SNAP25: variants seen among roughly 807,000 people sequenced by gnomAD.
SNAP25 encodes synaptosomal-associated protein 25.
Under a neutral mutation model 28.7 loss-of-function variants are expected in SNAP25, and 3 were observed. The ratio of observed to expected loss-of-function variants is 0.10; its 90% CI spans 0.05 to 0.27. SNAP25 has a LOEUF of 0.27. Among genes scored for constraint, SNAP25 ranks in the 10% least tolerant of loss-of-function variants. The pLI is 1.00. For missense variants in SNAP25, 117 were observed against 278.7 expected, an observed-to-expected ratio of 0.42 and a Z score of 4.13; for synonymous variants, 61 against 88.1, an observed-to-expected ratio of 0.69 and a Z score of 1.72.
At chr20:10,234,381 A>T (rs1600652567) in intron 1 of SNAP25, among the ~76,000 whole-genome samples, 1 of 152,294 alleles carries the variant, frequency 6.6e-6, no homozygotes, top group African/African-American at 2.4e-5. Context: ...TTAATCCATA[A>T]ATGGAACACT....
intron 1 of SNAP25, among the ~76,000 whole-genome samples, chr20:10,226,509 A>G (rs529255129): frequency 1.2e-4 from 19 of 152,250 alleles, no homozygotes; most frequent in African/African-American, 4.6e-4. Context: ...CAGAGCTGTA[A>G]ATAAAATCAT....
intron 1 of SNAP25, among the ~76,000 whole-genome samples, chr20:10,229,503 A>G (rs1235063743): frequency 6.6e-6 from 1 of 152,194 alleles, no homozygotes; most frequent in African/African-American, 2.4e-5. Flanking sequence ...CCTAAGCTGC[A>G]TTCACAGAAT....
chr20:10,237,421 C>T (rs1347569182), intron 1 of SNAP25, among the ~76,000 whole-genome samples: 1 of 152,150 alleles, frequency 6.6e-6, no homozygotes, highest in Non-Finnish European at 1.5e-5. Flanking sequence ...ACAGTAGAGG[C>T]ACTAGCAGAA....
rs369440762 is a variant in SNAP25 at position 10,254,526 on chromosome 20, C to T, written c.-63-20903C>T. On this transcript the variant is annotated intron_variant, in intron 1 of 7. Transcript: ENST00000254976. ...CAAACCCAGGAGGAGCTCCTTTTCCCGCGCACTCCCACCTCCAGTAGAGAA... is the reference window on the plus strand; with the variant it reads ...CAAACCCAGGAGGAGCTCCTTTTCCTGCGCACTCCCACCTCCAGTAGAGAA... Among the ~76,000 whole-genome samples, 97 of 152,278 alleles carry T rather than the reference C, an allele frequency of 6.4e-4. 1 individual carries two copies. In the South Asian group the frequency reaches 0.019, roughly 31 times the overall value.
chr20:10,284,053 C>G (rs73896514), intron 3 of SNAP25, among the ~76,000 whole-genome samples: 2 of 152,166 alleles, frequency 1.3e-5, no homozygotes, highest in African/African-American at 4.8e-5. Context: ...TTTTCTCACA[C>G]TAGATTATTA....
intron 3 of SNAP25, among the ~76,000 whole-genome samples, chr20:10,278,270 A>G (rs1238976311): frequency 2.0e-5 from 3 of 152,238 alleles, no homozygotes; most frequent in Admixed American, 1.3e-4. Context: ...CAAGTCCAAT[A>G]ATATAAATAC....
intron 1 of SNAP25, among the ~76,000 whole-genome samples, chr20:10,223,310 A>G (rs944611413): frequency 1.3e-5 from 2 of 152,328 alleles, no homozygotes; most frequent in African/African-American, 4.8e-5. Context: ...AAGAGCTTCA[A>G]AAATCCAAAT....
chr20:10,237,222 GA>G (rs1290886115), intron 1 of SNAP25, among the ~76,000 whole-genome samples: 1 of 152,108 alleles, frequency 6.6e-6, no homozygotes, highest in African/African-American at 2.4e-5. Context: ...ACCTCTCTCA[GA>G]GAGAGTGTAC....
chr20:10,278,007 G>A (rs1045927116), intron 3 of SNAP25: 7 of 285,042 alleles, frequency 2.5e-5, no homozygotes, highest in Non-Finnish European at 4.5e-5. Context: ...AATCACAGAC[G>A]ATTGTATCAC....
At chr20:10,252,994 G>C (rs573292551) in intron 1 of SNAP25, among the ~76,000 whole-genome samples, 1 of 151,988 alleles carries the variant, frequency 6.6e-6, no homozygotes, top group East Asian at 1.9e-4. Context: ...TATGCATTTG[G>C]GTGCTTAGCA....
chr20:10,291,161 C>T (rs1057302654), intron 4 of SNAP25, among the ~76,000 whole-genome samples: 1 of 152,178 alleles, frequency 6.6e-6, no homozygotes, highest in Non-Finnish European at 1.5e-5. Flanking sequence ...GCAACCTCCA[C>T]CTCCCAGGTT....
chr20:10,285,043 A>AT lies in SNAP25; in HGVS notation c.163+279dup, dbSNP rs747759341. ...TAACTGAATTTTGAAGGCAAAAGCCATTTTTTTTAAATGATAGTATTTTGG... is the reference window on the plus strand; with the variant it reads ...TAACTGAATTTTGAAGGCAAAAGCCATTTTTTTTTAAATGATAGTATTTTGG... On this transcript the variant is annotated intron_variant, in intron 4 of 7. Transcript: ENST00000254976. Among the ~76,000 whole-genome samples, 5 of 147,464 alleles carry AT rather than the reference A, an allele frequency of 3.4e-5. No individual in the cohort carries two copies. In the East Asian group the frequency reaches 5.8e-4, roughly 17 times the overall value.
chr20:10,281,534 T>G (rs1191677375), intron 3 of SNAP25, among the ~76,000 whole-genome samples: 1 of 152,222 alleles, frequency 6.6e-6, no homozygotes, highest in Non-Finnish European at 1.5e-5. Context: ...CTACTACTAC[T>G]TTGATCTCTG....
intron 1 of SNAP25, among the ~76,000 whole-genome samples, chr20:10,269,368 C>T (rs1001546373): frequency 9.9e-5 from 15 of 152,142 alleles, no homozygotes; most frequent in African/African-American, 3.6e-4. Context: ...TGCCACCGCA[C>T]TCCCACCTGG....
intron 1 of SNAP25, among the ~76,000 whole-genome samples, chr20:10,272,069 C>G (rs542832360): frequency 5.4e-4 from 82 of 152,280 alleles, no homozygotes; most frequent in African/African-American, 1.9e-3. Context: ...TCCATGGGTG[C>G]TCAGCACCAC....
rs543024901 is a variant in SNAP25, at chr20:10,232,274, C to A, written c.-64+13297C>A. Reference sequence around the variant, plus strand: ...GTCTGTATCCTCGATTCAAAAATACCAAGGAAGATCTCTGATTGGCATAGC... The same window carrying A: ...GTCTGTATCCTCGATTCAAAAATACAAAGGAAGATCTCTGATTGGCATAGC... On this transcript the variant is annotated intron_variant, in intron 1 of 7. Transcript: ENST00000254976. Among the ~76,000 whole-genome samples the A allele has an allele frequency of 3.5e-4, 54 of 152,250 alleles. No homozygotes were observed. In the South Asian group the frequency reaches 5.6e-3, roughly 16 times the overall value.
intron 3 of SNAP25, among the ~76,000 whole-genome samples, chr20:10,281,247 C>T (rs944905841): frequency 6.6e-6 from 1 of 152,168 alleles, no homozygotes; most frequent in African/African-American, 2.4e-5. Flanking sequence ...CCTCCTCACA[C>T]TCCTAGCTAC....
chr20:10,234,501 TTGCCGCAAAGCC>T (rs1568575562), intron 1 of SNAP25, among the ~76,000 whole-genome samples: 1 of 152,232 alleles, frequency 6.6e-6, no homozygotes, highest in Admixed American at 6.5e-5. Flanking sequence ...CCTCTCCAAT[TTGCCGCAAAGCC>T]TACCATTACT....
At chr20:10,291,456 T>G (rs1222954862) in intron 4 of SNAP25, among the ~76,000 whole-genome samples, 1 of 152,140 alleles carries the variant, frequency 6.6e-6, no homozygotes, top group East Asian at 1.9e-4. Flanking sequence ...CCTTATTATC[T>G]CCTCCAGGTA....
Sources: gnomAD v4.1 joint callset for allele counts (sites outside exome capture counted in the v4.1 genomes callset) on GRCh38, gnomAD v4.1.1 for gene constraint, MANE v1.5 for transcripts, NCBI Gene and HGNC (gene_info 2026-07-23, HGNC 2026-07-21) for gene names.